The following PCDHA5 variants were observed in gnomAD, a reference collection of about 807,000 sequenced individuals.
The protein encoded by PCDHA5 is protocadherin alpha 5.
In PCDHA5, 43 loss-of-function variants were observed where a neutral mutation model predicts 61.6. The observed-to-expected ratio is 0.70, with a 90% confidence interval of 0.55 to 0.90. PCDHA5 has a LOEUF of 0.90. Among genes scored for constraint, PCDHA5 ranks in the 40% least tolerant of loss-of-function variants. The pLI is 0.00. For synonymous variants in PCDHA5, 627 were observed against 543.9 expected (o/e 1.15, Z -2.13); for missense variants, 1,298 against 1,222.7 (o/e 1.06, Z -0.92).
intron 1 of PCDHA5, among the ~76,000 whole-genome samples, chr5:140,846,373 C>CT (rs2150388509): frequency 0.025 from 1,401 of 55,028 alleles, 84 homozygotes; most frequent in East Asian, 0.045. Context: ...TTCTTTCTTT[C>CT]TTTTTTTTTT....
At chr5:140,871,677 T>C in intron 1 of PCDHA5, 1 of 1,122,130 alleles carries the variant, frequency 8.9e-7, no homozygotes, top group Non-Finnish European at 1.2e-6. Flanking sequence ...TTTAATCATA[T>C]GAATAATCTG....
At chr5:140,830,470 AG>A in intron 1 of PCDHA5, 2 of 1,563,546 alleles carry the variant, frequency 1.3e-6, no homozygotes. Context: ...ATTTAAATGA[AG>A]ATCATGATGC....
intron 1 of PCDHA5, among the ~76,000 whole-genome samples, chr5:140,907,775 G>T (rs1217508105): frequency 4.6e-5 from 7 of 152,178 alleles, no homozygotes; most frequent in African/African-American, 1.7e-4. Flanking sequence ...TGATGACAGG[G>T]GTGGCTGGGG....
At chr5:140,828,005 G>A in intron 1 of PCDHA5, 1 of 1,502,916 alleles carries the variant, frequency 6.7e-7, no homozygotes, top group Non-Finnish European at 8.9e-7. Flanking sequence ...GGACGCAGAA[G>A]AAATGGATTA....
chr5:140,837,077 TATAA>T (rs1774901335), intron 1 of PCDHA5: 1 of 173,054 alleles, frequency 5.8e-6, no homozygotes. Context: ...AATCAATACC[TATAA>T]ATGTTATAGT....
chr5:140,996,311 G>C lies in PCDHA5; in HGVS notation c.2501-13316G>C, dbSNP rs191577867. On this transcript the variant is annotated intron_variant, in intron 3 of 3. Coordinates refer to ENST00000529859, the MANE Select transcript of PCDHA5 (RefSeq NM_018908.3). ...GAAGCACAGATTGTAACAAAGTAAG[G>C]GGGGAGGGTAGAGAAGAAAAGTTTG... is the stretch of plus-strand genomic sequence containing the variant. 9.0e-4 allele frequency among the ~76,000 whole-genome samples: 137 copies of C among 152,302 alleles called. 1 individual carries two copies. The highest frequency in any genetic ancestry group is 2.8e-3 in the African/African-American group (118 of 41,574).
At chr5:140,840,708 CA>C (rs1191329041) in intron 1 of PCDHA5, among the ~76,000 whole-genome samples, 5 of 151,964 alleles carry the variant, frequency 3.3e-5, no homozygotes, top group African/African-American at 1.2e-4. Context: ...GGCAATTTGA[CA>C]TTTATTGAAT....
chr5:141,007,478 G>A (rs1041976706), intron 3 of PCDHA5, among the ~76,000 whole-genome samples: 5 of 151,620 alleles, frequency 3.3e-5, no homozygotes, highest in Admixed American at 6.6e-5. Context: ...TGAGGCACGA[G>A]AATTACTTGG....
At chr5:140,857,683 C>T (rs1554150520) in intron 1 of PCDHA5, 1 of 1,597,084 alleles carries the variant, frequency 6.3e-7, no homozygotes, top group Middle Eastern at 1.8e-4. Context: ...CGCCTCTGGG[C>T]AGCAACTTGA....
Position 140,821,907 on chromosome 5 carries a change from T to A in PCDHA5, c.132T>A (p.Val44=). The change falls in exon 1 of 4, where the codon GTT becomes GTA. Residue 44 remains valine, a synonymous_variant. Transcript: ENST00000529859. ...IPEEAKHGTF[V]GRIAQDLGLE... ...AGGAAGCCAAACACGGAACCTTCGT[T>A]GGCCGCATCGCGCAGGACCTAGGGC... 1 of 1,614,212 alleles carries A rather than the reference T, an allele frequency of 6.2e-7. No individual in the cohort carries two copies. Among genetic ancestry groups the A allele is most frequent in the Non-Finnish European group, 8.5e-7 (1 of 1,180,036 alleles).
chr5:140,829,590 G>A, intron 1 of PCDHA5: 1 of 1,612,072 alleles, frequency 6.2e-7, no homozygotes, highest in Non-Finnish European at 8.5e-7. Context: ...CGGCGGGTGG[G>A]CGAGCGCGCG....
At chr5:140,870,660 G>A (rs782219391) in intron 1 of PCDHA5, 3 of 1,612,516 alleles carry the variant, frequency 1.9e-6, no homozygotes, top group Non-Finnish European at 2.5e-6. Context: ...TGTACGCGCT[G>A]CAGCCGTTGG....
Position 140,877,923 on chromosome 5 carries a change from T to C in PCDHA5, c.2352+53796T>C, listed in dbSNP as rs1252401405. ...ATAACTACATTCTCTCATTTTTCTTTATGATTCTATCCTTTAAACTATCGA... is the reference window on the plus strand; with the variant it reads ...ATAACTACATTCTCTCATTTTTCTTCATGATTCTATCCTTTAAACTATCGA... On this transcript the variant is annotated intron_variant, in intron 1 of 3. Coordinates refer to ENST00000529859, the MANE Select transcript of PCDHA5 (RefSeq NM_018908.3). 5 of 1,421,040 alleles carry C rather than the reference T, an allele frequency of 3.5e-6. No individual in the cohort carries two copies. The African/African-American group carries it at 5.8e-5, about 16-fold the overall frequency. The allele number at this position is 1,421,040 out of a possible 1,614,324, so 88.0% of individuals were successfully genotyped here. A position where few individuals can be genotyped will look rare whatever the true frequency, so the allele number is the denominator to read the frequency against.
chr5:140,857,377 G>A (rs1347476888), intron 1 of PCDHA5: 1 of 1,598,358 alleles, frequency 6.3e-7, no homozygotes, highest in African/African-American at 1.3e-5. Context: ...TGTCTGTGGA[G>A]GTGGCCGACG....
intron 1 of PCDHA5, among the ~76,000 whole-genome samples, chr5:140,899,821 C>G (rs1286169760): frequency 1.3e-5 from 2 of 151,902 alleles, no homozygotes; most frequent in African/African-American, 4.8e-5. Flanking sequence ...TTTGTTTTTC[C>G]TTTTTGAGAC....
intron 1 of PCDHA5, among the ~76,000 whole-genome samples, chr5:140,921,791 A>G (rs1170709759): frequency 3.9e-5 from 6 of 152,160 alleles, no homozygotes; most frequent in Non-Finnish European, 5.9e-5. Context: ...GATGTTCTAG[A>G]TAACACAAGA....
chr5:140,928,643 T>C (rs2085399261), intron 1 of PCDHA5: 7 of 1,614,222 alleles, frequency 4.3e-6, no homozygotes, highest in Non-Finnish European at 5.9e-6. Context: ...ACAAAAGTGG[T>C]AGCAGAGGAT....
chr5:140,999,995 A>G (rs1174530266), intron 3 of PCDHA5, among the ~76,000 whole-genome samples: 1 of 152,068 alleles, frequency 6.6e-6, no homozygotes, highest in Non-Finnish European at 1.5e-5. Flanking sequence ...GGGTAGTGGT[A>G]TTAGATTGGC....
intron 1 of PCDHA5, chr5:140,830,504 T>C: frequency 1.4e-6 from 2 of 1,433,114 alleles, no homozygotes; most frequent in Non-Finnish European, 1.9e-6. Flanking sequence ...ATTTTCATAA[T>C]TAACAGTTAA....
Sources: gnomAD v4.1 joint callset for allele counts (sites outside exome capture counted in the v4.1 genomes callset) on GRCh38, gnomAD v4.1.1 for gene constraint, MANE v1.5 for transcripts, NCBI Gene and HGNC (gene_info 2026-07-23, HGNC 2026-07-21) for gene names.